Variants in CPEB4 observed in about 807,000 individuals in gnomAD.
CPEB4 encodes cytoplasmic polyadenylation element binding protein 4, also known as cytoplasmic polyadenylation element-binding protein 4.
A neutral mutation model predicts 72.5 loss-of-function variants in CPEB4; 12 were observed. The observed-to-expected ratio is 0.17, with a 90% CI of 0.11 to 0.27. CPEB4 has a LOEUF of 0.27. Ranked by LOEUF, CPEB4 falls within the 10% of genes least tolerant of loss-of-function variation. The pLI, the probability that CPEB4 is intolerant of heterozygous loss-of-function variation, is 1.00. For missense variants in CPEB4, 614 were observed against 908.5 expected, an observed-to-expected ratio of 0.68 and a Z score of 4.17; for synonymous variants, 302 against 326.3, an observed-to-expected ratio of 0.93 and a Z score of 0.80.
chr5:173,892,657 C>T (rs558700001), intron 1 of CPEB4, among the ~76,000 whole-genome samples: 1 of 152,044 alleles, frequency 6.6e-6, no homozygotes, highest in South Asian at 2.1e-4. Flanking sequence ...TCTCAGCTTA[C>T]TGACTTTTGT....
chr5:173,955,951 T>C lies in CPEB4; in HGVS notation c.2004T>C (p.Asp668=). The C allele has an allele frequency of 6.2e-7, 1 of 1,614,112 alleles. No individual in the cohort carries two copies. The change falls in exon 10 of 10, where the codon GAT becomes GAC. Residue 668 remains aspartate, a synonymous_variant. Coordinates refer to ENST00000265085, the MANE Select transcript of CPEB4 (RefSeq NM_030627.4). The surrounding 1 kb of genome is among the most constrained non-coding windows in gnomAD (Gnocchi z 4.7). ...KPYVLDDQLC[D]ECQGARCGGK... is the part of the protein sequence containing the mutation. ...ATGTCTTGGATGATCAGCTGTGTGA[T>C]GAATGTCAGGGGGCCCGTTGTGGGG...
intron 8 of CPEB4, 53 bp downstream of exon 8, chr5:173,951,991 G>A: frequency 5.5e-6 from 5 of 907,680 alleles, no homozygotes; most frequent in Non-Finnish European, 9.1e-6. Context: ...GAAATATGAA[G>A]ATCTTCAGGA....
intron 2 of CPEB4, among the ~76,000 whole-genome samples, chr5:173,911,948 T>C (rs2113179213): frequency 1.3e-5 from 2 of 152,304 alleles, no homozygotes; most frequent in East Asian, 3.9e-4. Flanking sequence ...AAACATTTTA[T>C]GTATTTTTCA....
rs1240499769 is a variant in CPEB4 at position 173,926,487 on chromosome 5, T to C, written c.1208-5963T>C. 3.9e-5 allele frequency among the ~76,000 whole-genome samples: 6 copies of C among 152,198 alleles called. No individual in the cohort carries two copies. In the South Asian group the frequency reaches 1.0e-3, roughly 26 times the overall value. On this transcript the variant is annotated intron_variant, in intron 2 of 9. Transcript: ENST00000265085. Reference sequence around the variant, plus strand: ...AATTGCCTAGTTGACGTATGGATCTTTTCTAGGTTGTAGGATTTGGTAGTG... The same window carrying C: ...AATTGCCTAGTTGACGTATGGATCTCTTCTAGGTTGTAGGATTTGGTAGTG...
rs575328029 is a variant in CPEB4, at chr5:173,945,115, C to T, written c.1431C>T (p.Gly477=). 11 of 1,613,508 alleles carry T rather than the reference C, an allele frequency of 6.8e-6. No individual in the cohort carries two copies. Among genetic ancestry groups the T allele is most frequent in the Middle Eastern group, 1.6e-4 (1 of 6,080 alleles). ...VERYSRKVFV[G]GLPPDIDEDE... The stretch of plus-strand genomic sequence containing the variant: ...GATATTCTCGAAAGGTGTTTGTAGG[C>T]GGATTGCCTCCAGACATTGATGAAG... Residue 477 remains glycine (G), a synonymous_variant, in exon 5 of 10, where the codon GGC becomes GGT. Coordinates refer to ENST00000265085, the MANE Select transcript of CPEB4 (RefSeq NM_030627.4).
chr5:173,932,613 A>G (rs1757486936), intron 3 of CPEB4, 113 bp downstream of exon 3: 5 of 718,036 alleles, frequency 7.0e-6, no homozygotes, highest in Non-Finnish European at 9.0e-6. Context: ...GTAAGTTGCT[A>G]TTAAACTATC....
At chr5:173,914,992 T>A (rs1440210378) in intron 2 of CPEB4, among the ~76,000 whole-genome samples, 2 of 152,224 alleles carry the variant, frequency 1.3e-5, no homozygotes, top group Non-Finnish European at 2.9e-5. Context: ...TAATACGGCC[T>A]AAAATTGCTA....
intron 2 of CPEB4, among the ~76,000 whole-genome samples, chr5:173,930,060 T>C (rs1190458152): frequency 6.6e-6 from 1 of 151,978 alleles, no homozygotes; most frequent in African/African-American, 2.4e-5. Context: ...TCCCAAGTTT[T>C]TTTTTTTTTT....
chr5:173,952,583 G>A (rs1253818928), intron 8 of CPEB4, among the ~76,000 whole-genome samples: 2 of 152,148 alleles, frequency 1.3e-5, no homozygotes, highest in African/African-American at 4.8e-5. Context: ...TTATTTCAAG[G>A]TTTTTTTAAA....
intron 3 of CPEB4, among the ~76,000 whole-genome samples, chr5:173,937,418 A>G (rs1360282232): frequency 6.6e-6 from 1 of 152,118 alleles, no homozygotes; most frequent in Non-Finnish European, 1.5e-5. Flanking sequence ...AAATCTATCA[A>G]AAAGGAAGGT....
chr5:173,931,221 G>A (rs1446376677), intron 2 of CPEB4, among the ~76,000 whole-genome samples: 1 of 152,084 alleles, frequency 6.6e-6, no homozygotes, highest in African/African-American at 2.4e-5. Flanking sequence ...TGGATTGATG[G>A]GACCCCATGT....
intron 6 of CPEB4, among the ~76,000 whole-genome samples, 154 bp from the exon 7 acceptor site, chr5:173,949,806 G>A (rs1010577194): frequency 1.3e-5 from 2 of 152,128 alleles, no homozygotes; most frequent in African/African-American, 4.8e-5. Flanking sequence ...AAAATGAACT[G>A]TATGTTGATG....
At chr5:173,891,553 C>T (rs576311687) in intron 1 of CPEB4, 13 of 152,244 alleles carry the variant, frequency 8.5e-5, no homozygotes, top group African/African-American at 2.4e-4. Context: ...GCCTTTCACC[C>T]GTTTGTTTAT....
chr5:173,904,423 C>T (rs1581115927), intron 1 of CPEB4, among the ~76,000 whole-genome samples: 2 of 152,264 alleles, frequency 1.3e-5, no homozygotes, highest in South Asian at 4.1e-4. Context: ...GTATGCCACT[C>T]TGTCATCTCA....
At chr5:173,934,735 A>G (rs1194782517) in intron 3 of CPEB4, among the ~76,000 whole-genome samples, 1 of 152,228 alleles carries the variant, frequency 6.6e-6, no homozygotes, top group Admixed American at 6.5e-5. Flanking sequence ...TTCTCTCTCC[A>G]GTAGCAATGT....
intron 1 of CPEB4, among the ~76,000 whole-genome samples, chr5:173,909,932 A>C (rs1756582083): frequency 6.6e-6 from 1 of 151,808 alleles, no homozygotes; most frequent in African/African-American, 2.4e-5. Flanking sequence ...CCCGGGAGGC[A>C]GAGGTTGTAG....
chr5:173,951,619 G>T (rs924103566), intron 7 of CPEB4, among the ~76,000 whole-genome samples: 46 of 152,168 alleles, frequency 3.0e-4, no homozygotes, highest in Admixed American at 2.0e-4. Flanking sequence ...CAATCAAATT[G>T]AACTTTCCAC....
rs1357806020 is a variant in CPEB4 at position 173,944,950 on chromosome 5, C to T, written c.1283-17C>T. ...GAACATTTTCTGTTACCGTTTTTTC[C>T]CTGCTTTCTATTCCAGGTCAGTCTT... is the stretch of plus-strand genomic sequence containing the variant. On this transcript the variant is annotated splice_polypyrimidine_tract_variant and intron_variant, in intron 4 of 9. Coordinates refer to ENST00000265085, the MANE Select transcript of CPEB4 (RefSeq NM_030627.4). The T allele has an allele frequency of 1.3e-5, 20 of 1,575,304 alleles. No homozygotes were observed. The highest frequency in any genetic ancestry group is 1.1e-4 in the Admixed American group (6 of 55,372).
In CPEB4 at chr5:173,932,494, A is replaced by G; in HGVS notation, c.1252A>G (p.Ile418Val). ...SYPGSDSSLLINARTYGRRRG... is the reference protein window; with the variant it reads ...SYPGSDSSLLVNARTYGRRRG... Reference sequence around the variant, plus strand: ...TCCAGGATCCGATAGCTCTCTGCTTATTAATGGTAAGTGATAATTGATTTA... The same window carrying G: ...TCCAGGATCCGATAGCTCTCTGCTTGTTAATGGTAAGTGATAATTGATTTA... Residue 418 changes from isoleucine (I) to valine (V), a missense_variant, in exon 3 of 10, where the codon ATT (isoleucine) becomes GTT (valine). By Grantham distance (29) the Ile-to-Val change is conservative (BLOSUM62 3). Coordinates refer to ENST00000265085, the MANE Select transcript of CPEB4 (RefSeq NM_030627.4). The G allele has an allele frequency of 6.2e-7, 1 of 1,611,714 alleles. No homozygotes were observed. The highest frequency in any genetic ancestry group is 8.5e-7 in the Non-Finnish European group (1 of 1,178,536).
Sources: allele counts gnomAD v4.1 joint callset (sites outside exome capture counted in the v4.1 genomes callset), GRCh38; gene constraint gnomAD v4.1.1; non-coding constraint Gnocchi (gnomAD v3.1); transcripts MANE v1.5; gene names NCBI Gene and HGNC (gene_info 2026-07-23, HGNC 2026-07-21).